CATSPER2: variants seen among roughly 807,000 people sequenced by gnomAD.
The protein encoded by CATSPER2 is cation channel sperm associated 2, also known as cation channel sperm-associated protein 2.
Under a neutral mutation model 68.8 loss-of-function variants are expected in CATSPER2, and 56 were observed. That is an observed-to-expected ratio of 0.81 (90% confidence interval 0.66 to 1.02). CATSPER2 has a LOEUF of 1.02. Among genes scored for constraint, CATSPER2 ranks in the 50% least tolerant of loss-of-function variants. The pLI is 0.00. For missense variants in CATSPER2, 582 were observed against 642.0 expected (o/e 0.91, Z 1.01); for synonymous variants, 198 against 229.9 (o/e 0.86, Z 1.26).
At position 43,633,268 on chromosome 15, in the gene CATSPER2, A is replaced by G. The variant is rs35116605; in HGVS notation, c.1179-334T>C. 1.7e-4 allele frequency: 60 copies of G among 357,320 alleles called. 2 individuals are homozygous for G. The East Asian group carries it at 2.7e-3, about 16-fold the overall frequency. The allele number at this position is 357,320 out of a possible 1,614,324, so 22.1% of individuals were successfully genotyped here. ...GCATAGCCTCCCAACTGATCTCTCT[A>G]CTCCTTCCCTTGTTCTTCTATCAAC... On this transcript the variant is annotated intron_variant, in intron 10 of 12. Transcript: ENST00000396879.
Position 43,636,064 on chromosome 15 carries a change from C to T in CATSPER2, c.998G>A (p.Arg333Gln), listed in dbSNP as rs780321746. 7.0e-6 allele frequency: 11 copies of T among 1,581,688 alleles called. No individual in the cohort carries two copies. Among genetic ancestry groups the T allele is most frequent in the East Asian group, 2.2e-5 (1 of 44,608 alleles). Residue 333 changes from arginine to glutamine, a missense_variant, in exon 8 of 13, where the codon CGA (arginine) becomes CAA (glutamine). Coordinates refer to ENST00000396879, the MANE Select transcript of CATSPER2 (RefSeq NM_172095.4). ...LWLLLGSIIF[R>Q]SIIVAMMVTN... ...ACCCATCATGGCTACTATGATACTTCGAAAGATAATGGAGCCAAGCAACAA... is the reference window on the plus strand; with the variant it reads ...ACCCATCATGGCTACTATGATACTTTGAAAGATAATGGAGCCAAGCAACAA...
rs2086220123 is a variant in CATSPER2, at chr15:43,648,698, G to A, written c.-72C>T. 2.1e-6 allele frequency: 3 copies of A among 1,457,712 alleles called. No individual in the cohort carries two copies. The highest frequency in any genetic ancestry group is 1.4e-5 in the African/African-American group (1 of 69,124). The allele number at this position is 1,457,712 out of a possible 1,614,324, so 90.3% of individuals were successfully genotyped here. On this transcript the variant is annotated 5_prime_UTR_variant, in exon 1 of 13. Transcript: ENST00000396879. ...TCCGCCTCCAGCTCAGGTGCCCCGA[G>A]CCTGGCTACCCCTATGCAAGACGAG...
intron 10 of CATSPER2, chr15:43,634,113 C>T (rs1286881067): frequency 2.0e-5 from 3 of 151,970 alleles, no homozygotes; most frequent in African/African-American, 7.3e-5. Context: ...TATCTCTTTA[C>T]CACTACTAAT....
At position 43,632,939 on chromosome 15, in the gene CATSPER2, A is replaced by G; in HGVS notation, c.1179-5T>C. 1 of 1,588,600 alleles carries G rather than the reference A, an allele frequency of 6.3e-7. No individual in the cohort carries two copies. Among genetic ancestry groups the G allele is most frequent in the Non-Finnish European group, 8.6e-7 (1 of 1,159,494 alleles). On this transcript the variant is annotated splice_polypyrimidine_tract_variant and splice_region_variant and intron_variant, in intron 10 of 12. Coordinates refer to ENST00000396879, the MANE Select transcript of CATSPER2 (RefSeq NM_172095.4). ...TGTTGACTAGCTCCTCTTGAACTTA[A>G]AGAAGAAATTTATGGCTTCACAAAC...
chr15:43,632,118 G>A, intron 12 of CATSPER2, 81 bp downstream of exon 12: 7 of 1,463,330 alleles, frequency 4.8e-6, no homozygotes, highest in South Asian at 1.1e-5. Flanking sequence ...TGCCAGAATA[G>A]TGGACACCCT....
chr15:43,634,669 T>A (rs2141552465), intron 10 of CATSPER2: 1 of 153,022 alleles, frequency 6.5e-6, no homozygotes, highest in South Asian at 2.1e-4. Context: ...ATAATCCACC[T>A]CATCTAGCCA....
chr15:43,630,513 C>A lies in CATSPER2; in HGVS notation c.*188G>T, dbSNP rs956510979. 24 of 1,307,950 alleles carry A rather than the reference C, an allele frequency of 1.8e-5. No individual in the cohort carries two copies. Among genetic ancestry groups the A allele is most frequent in the African/African-American group, 1.2e-4 (8 of 67,218 alleles). 81.0% of individuals were successfully genotyped at this position (1,307,950 alleles called of 1,614,324 possible). On this transcript the variant is annotated 3_prime_UTR_variant, in exon 13 of 13. Transcript: ENST00000396879. ...ATGATTACAAGCATCTGCCACCACA[C>A]CCAGCTAATTTTTTTGTATTTTTAG...
intron 2 of CATSPER2, 87 bp from the exon 3 acceptor site, chr15:43,647,554 TG>T: frequency 8.0e-7 from 1 of 1,251,438 alleles, no homozygotes; most frequent in South Asian, 1.2e-5. Flanking sequence ...GGTCAGGTAA[TG>T]GGTTCCCCTA....
chr15:43,644,521 T>C (rs1345187906), intron 4 of CATSPER2, among the ~76,000 whole-genome samples: 1 of 151,946 alleles, frequency 6.6e-6, no homozygotes, highest in Non-Finnish European at 1.5e-5. Context: ...GGCTACGGAC[T>C]GGTACCAGTC....
At chr15:43,631,613 T>C (rs756767728) in intron 12 of CATSPER2, 6 of 281,730 alleles carry the variant, frequency 2.1e-5, no homozygotes, top group African/African-American at 1.1e-4. Context: ...TTTGAATAGA[T>C]AGTTCCCAGT....
In CATSPER2 at chr15:43,632,839, G is replaced by C. The variant is rs751495331; in HGVS notation, c.1274C>G (p.Thr425Arg). ...NYGATEEDLI[T>R]SASKTEETLS... ...GGTCTCTTCTGTTTTTGATGCAGAT[G>C]TTATTAAATCCTCTTCAGTGGCACC... Residue 425 changes from threonine to arginine, a missense_variant, in exon 11 of 13, where the codon ACA becomes AGA. Thr to Arg is a moderately conservative substitution (Grantham distance 71). Transcript: ENST00000396879. 16 of 1,613,462 alleles carry C rather than the reference G, an allele frequency of 9.9e-6. No homozygotes were observed. Among genetic ancestry groups the C allele is most frequent in the East Asian group, 4.5e-5 (2 of 44,870 alleles).
chr15:43,643,583 G>A (rs1385192425), intron 4 of CATSPER2, among the ~76,000 whole-genome samples: 2 of 151,682 alleles, frequency 1.3e-5, no homozygotes, highest in Non-Finnish European at 1.5e-5. Flanking sequence ...GTGATCCGCA[G>A]GACTAGGCCT....
At position 43,635,832 on chromosome 15, in the gene CATSPER2, C is replaced by G. The variant is rs769719787; in HGVS notation, c.1022-6G>C. On this transcript the variant is annotated splice_polypyrimidine_tract_variant and splice_region_variant and intron_variant, in intron 8 of 12. Coordinates refer to ENST00000396879, the MANE Select transcript of CATSPER2 (RefSeq NM_172095.4). ...GATATTCTGAAAGTTAGTAACTGCCCCAAAGGGCCATTAGGAGCTGGGAGA... is the reference window on the plus strand; with the variant it reads ...GATATTCTGAAAGTTAGTAACTGCCGCAAAGGGCCATTAGGAGCTGGGAGA... 1 of 1,611,582 alleles carries G rather than the reference C, an allele frequency of 6.2e-7. No individual in the cohort carries two copies. The highest frequency in any genetic ancestry group is 1.7e-5 in the Admixed American group (1 of 59,938).
intron 4 of CATSPER2, among the ~76,000 whole-genome samples, chr15:43,646,267 T>C (rs533712503): frequency 6.6e-6 from 1 of 150,522 alleles, no homozygotes; most frequent in South Asian, 2.1e-4. Flanking sequence ...TAGTATACTC[T>C]TGAGAGCCTC....
Position 43,635,714 on chromosome 15 carries a change from G to T in CATSPER2, c.1121+13C>A. 6.2e-7 allele frequency: 1 copy of T among 1,609,608 alleles called. No individual in the cohort carries two copies. Among genetic ancestry groups the T allele is most frequent in the South Asian group, 1.1e-5 (1 of 90,818 alleles). ...TGAGAAGGAAAGTTGGGGTTGAAAAGGGAGAAGCAGACCTCTGGATGATCT... is the reference window on the plus strand; with the variant it reads ...TGAGAAGGAAAGTTGGGGTTGAAAATGGAGAAGCAGACCTCTGGATGATCT... On this transcript the variant is annotated intron_variant, in intron 9 of 12. Transcript: ENST00000396879.
chr15:43,633,393 A>G, intron 10 of CATSPER2: 1 of 200,918 alleles, frequency 5.0e-6, no homozygotes, highest in South Asian at 9.3e-5. Context: ...CCATAACCCT[A>G]CAGGATCAGG....
Position 43,646,318 on chromosome 15 carries a change from TG to T in CATSPER2, c.388+731del, listed in dbSNP as rs375337393. 3.2e-3 allele frequency among the ~76,000 whole-genome samples: 488 copies of T among 151,258 alleles called. 11 individuals are homozygous for T. Among genetic ancestry groups the T allele is most frequent in the African/African-American group, 0.011 (465 of 41,036 alleles). On this transcript the variant is annotated intron_variant, in intron 4 of 12. Transcript: ENST00000396879. ...CTTTTTTTTTTGAGATGGGGTGCAGTGGCGTGATTTCAGCTCACTGCAACCT... is the reference window on the plus strand; with the variant it reads ...CTTTTTTTTTTGAGATGGGGTGCAGTGCGTGATTTCAGCTCACTGCAACCT...
chr15:43,642,102 C>CTTTTTTT (rs11440900), intron 4 of CATSPER2, among the ~76,000 whole-genome samples: 1 of 146,138 alleles, frequency 6.8e-6, no homozygotes. Flanking sequence ...AATTAGGATG[C>CTTTTTTT]TTTTTTTTTT....
At position 43,637,282 on chromosome 15, in the gene CATSPER2, C is replaced by T. The variant is rs1278562013; in HGVS notation, c.843-1063G>A. On this transcript the variant is annotated intron_variant, in intron 7 of 12. Coordinates refer to ENST00000396879, the MANE Select transcript of CATSPER2 (RefSeq NM_172095.4). Reference sequence around the variant, plus strand: ...TTGCTGGTATGAAATGATACCCAAGCAAATGGGTATGTTACATAAACATAT... The same window carrying T: ...TTGCTGGTATGAAATGATACCCAAGTAAATGGGTATGTTACATAAACATAT... 4.5e-4 allele frequency among the ~76,000 whole-genome samples: 69 copies of T among 151,772 alleles called. 1 individual carries two copies. The highest frequency in any genetic ancestry group is 1.7e-3 in the African/African-American group (69 of 41,382).
Sources: gnomAD v4.1 joint callset for allele counts (sites outside exome capture counted in the v4.1 genomes callset) on GRCh38, gnomAD v4.1.1 for gene constraint, MANE v1.5 for transcripts, NCBI Gene and HGNC (gene_info 2026-07-23, HGNC 2026-07-21) for gene names.